Variants in ZFHX3 observed in about 807,000 individuals in gnomAD.
ZFHX3 encodes zinc finger homeobox 3.
In ZFHX3, 42 loss-of-function variants were observed where a neutral mutation model predicts 279.1. That is an observed-to-expected ratio of 0.15 (90% CI 0.12 to 0.19). The LOEUF (loss-of-function observed/expected upper bound fraction) is 0.19, where lower values mean the gene tolerates loss of function less well. Among genes scored for constraint, ZFHX3 ranks in the 10% least tolerant of loss-of-function variants. ZFHX3 has a pLI of 1.00. For synonymous variants in ZFHX3, 2,293 were observed against 1,957.8 expected (o/e 1.17, Z -4.52); for missense variants, 4,981 against 4,754.0 (o/e 1.05, Z -1.40).
intron 1 of ZFHX3, among the ~76,000 whole-genome samples, chr16:73,698,222 C>A (rs931896420): frequency 5.3e-5 from 8 of 151,814 alleles, no homozygotes; most frequent in African/African-American, 1.9e-4. Flanking sequence ...ACAAAATAAA[C>A]CTCCATGAAT....
chr16:72,901,285 G>A (rs2039028930), intron 3 of ZFHX3, among the ~76,000 whole-genome samples: 1 of 152,194 alleles, frequency 6.6e-6, no homozygotes, highest in Non-Finnish European at 1.5e-5. Flanking sequence ...AATGCGAGAG[G>A]AAAATGCTCT....
chr16:73,070,206 T>G (rs1965805281), intron 8 of ZFHX3, among the ~76,000 whole-genome samples: 2 of 152,226 alleles, frequency 1.3e-5, no homozygotes, highest in Non-Finnish European at 2.9e-5. Context: ...ATCAAACTCT[T>G]TTAATGTATT....
rs778283794 is a variant in ZFHX3, at chr16:73,754,882, C to T, written c.-1607-74642G>A. 2.6e-5 allele frequency among the ~76,000 whole-genome samples: 4 copies of T among 152,188 alleles called. No individual in the cohort carries two copies. In the South Asian group the frequency reaches 8.3e-4, roughly 32 times the overall value. On this transcript the variant is annotated intron_variant, in intron 1 of 17. Transcript: ENST00000641206. ...TTCTGGGCAAATTTCACCGATTTCT[C>T]AGAACCCCAGTTTCCTTTTCCCCCC...
intron 1 of ZFHX3, among the ~76,000 whole-genome samples, chr16:72,984,810 C>A (rs941562879): frequency 6.6e-6 from 1 of 151,848 alleles, no homozygotes; most frequent in Non-Finnish European, 1.5e-5. Context: ...GCAAGCTCAC[C>A]CCAGGCCTCA....
chr16:73,799,974 C>T (rs747640045), intron 1 of ZFHX3, among the ~76,000 whole-genome samples: 1 of 151,934 alleles, frequency 6.6e-6, no homozygotes, highest in Non-Finnish European at 1.5e-5. Flanking sequence ...GAGGATCTCC[C>T]CGAGATCAGC....
intron 3 of ZFHX3, among the ~76,000 whole-genome samples, chr16:73,398,110 G>C (rs1477903820): frequency 6.6e-6 from 1 of 152,208 alleles, no homozygotes; most frequent in Admixed American, 6.5e-5. Context: ...CTCCCATAGT[G>C]CTGGGATTAC....
intron 8 of ZFHX3, among the ~76,000 whole-genome samples, chr16:73,066,418 T>C (rs1965754008): frequency 6.6e-6 from 1 of 152,154 alleles, no homozygotes; most frequent in Admixed American, 6.5e-5. Flanking sequence ...CCCATCTCCA[T>C]TTCGGGACCC....
chr16:72,979,664 C>T (rs571544436), intron 1 of ZFHX3, among the ~76,000 whole-genome samples: 1 of 152,232 alleles, frequency 6.6e-6, no homozygotes, highest in South Asian at 2.1e-4. Context: ...TAGGTGATGG[C>T]CCCATAAGAA....
Position 72,784,073 on chromosome 16 carries a change from C to G in ZFHX3, c.*3091G>C, listed in dbSNP as rs1036904133. On this transcript the variant is annotated 3_prime_UTR_variant, in exon 10 of 10. Transcript: ENST00000268489. Reference sequence around the variant, plus strand: ...GCAGAGGAAAGCATTAAGGGTGCAACCCACTCCAGGTTGAAACAATCACAT... The same window carrying G: ...GCAGAGGAAAGCATTAAGGGTGCAAGCCACTCCAGGTTGAAACAATCACAT... 1.3e-5 allele frequency: 2 copies of G among 152,494 alleles called. No homozygotes were observed. Among genetic ancestry groups the G allele is most frequent in the African/African-American group, 4.8e-5 (2 of 41,428 alleles). 9.4% of individuals were successfully genotyped at this position (152,494 alleles called of 1,614,324 possible). A position where few individuals can be genotyped will look rare whatever the true frequency, so the allele number is the denominator to read the frequency against.
intron 5 of ZFHX3, among the ~76,000 whole-genome samples, chr16:72,817,101 G>A (rs781055538): frequency 1.9e-4 from 29 of 152,204 alleles, no homozygotes; most frequent in Non-Finnish European, 3.8e-4. Context: ...ACTTTGTGTA[G>A]GAAGTGACTT....
At chr16:73,726,203 A>G (rs890192049) in intron 1 of ZFHX3, among the ~76,000 whole-genome samples, 5 of 152,224 alleles carry the variant, frequency 3.3e-5, no homozygotes, top group East Asian at 1.9e-4. Context: ...AAACCCTCAC[A>G]TAAGTGTGTA....
chr16:73,809,957 A>G (rs1372132551), intron 1 of ZFHX3, among the ~76,000 whole-genome samples: 1 of 152,128 alleles, frequency 6.6e-6, no homozygotes, highest in African/African-American at 2.4e-5. Flanking sequence ...AAGGGAATAA[A>G]AGCATTTTCT....
intron 1 of ZFHX3, among the ~76,000 whole-genome samples, chr16:73,694,237 C>T (rs1398816864): frequency 2.6e-5 from 4 of 152,214 alleles, no homozygotes; most frequent in East Asian, 1.9e-4. Context: ...GCAGGAGAAT[C>T]GCTTGAACTG....
At chr16:73,213,431 T>C (rs752231640) in intron 5 of ZFHX3, among the ~76,000 whole-genome samples, 24 of 152,216 alleles carry the variant, frequency 1.6e-4, no homozygotes, top group Non-Finnish European at 2.6e-4. Context: ...TCGACCCACA[T>C]GTGCAAGGAG....
intron 1 of ZFHX3, among the ~76,000 whole-genome samples, chr16:73,861,612 A>T (rs987372500): frequency 2.6e-5 from 4 of 152,266 alleles, no homozygotes. Context: ...CACTCCCAGT[A>T]GTGGGCCATT....
intron 4 of ZFHX3, among the ~76,000 whole-genome samples, chr16:73,313,703 T>A (rs1409585383): frequency 6.6e-6 from 1 of 152,176 alleles, no homozygotes; most frequent in African/African-American, 2.4e-5. Flanking sequence ...CACAAACATG[T>A]ACACAGCCCA....
intron 2 of ZFHX3, among the ~76,000 whole-genome samples, chr16:73,476,910 A>G (rs2018775196): frequency 6.6e-6 from 1 of 152,222 alleles, no homozygotes; most frequent in Admixed American, 6.5e-5. Flanking sequence ...ATTTGAACCA[A>G]TTATTAAAAC....
intron 2 of ZFHX3, among the ~76,000 whole-genome samples, chr16:73,674,622 C>T (rs1274160628): frequency 6.6e-6 from 1 of 152,154 alleles, no homozygotes; most frequent in Non-Finnish European, 1.5e-5. Context: ...GACAGTTTCT[C>T]CAATTAAGAC....
In ZFHX3 at chr16:73,172,945, T is replaced by TTC. The variant is rs200674720; in HGVS notation, c.-1103-29115_-1103-29114insGA. 1.4e-3 allele frequency among the ~76,000 whole-genome samples: 205 copies of TTC among 145,852 alleles called. 1 individual carries two copies. The highest frequency in any genetic ancestry group is 7.3e-3 in the Middle Eastern group (2 of 274). On this transcript the variant is annotated intron_variant, in intron 5 of 17. Transcript: ENST00000641206. ...GGCTGCCTGTGGTTTTTTTTTTTTT[T>TTC]TTTCTTTCTTTCTTTCTCCCCCTGC...
Sources: gnomAD v4.1 joint callset for allele counts (sites outside exome capture counted in the v4.1 genomes callset) on GRCh38, gnomAD v4.1.1 for gene constraint, MANE v1.5 for transcripts, NCBI Gene and HGNC (gene_info 2026-07-23, HGNC 2026-07-21) for gene names.